The following ZNF652 variants were observed in gnomAD, a reference collection of about 807,000 sequenced individuals.
ZNF652 encodes the protein zinc finger protein 652.
A neutral mutation model predicts 45.2 loss-of-function variants in ZNF652; 16 were observed. The observed-to-expected ratio is 0.35, with a 90% confidence interval of 0.24 to 0.54. The LOEUF is 0.54. ZNF652 is among the 20% of genes least tolerant of loss of function. The probability of loss-of-function intolerance (pLI) is 0.91; values close to 1 mark genes in which losing one functional copy is unlikely to be tolerated. For missense variants in ZNF652, 614 were observed against 765.6 expected, an observed-to-expected ratio of 0.80 and a Z score of 2.34; for synonymous variants, 250 against 260.6, an observed-to-expected ratio of 0.96 and a Z score of 0.39.
chr17:49,311,896 G>C, intron 4 of ZNF652, 31 bp downstream of exon 4: 1 of 1,570,916 alleles, frequency 6.4e-7, no homozygotes, highest in Non-Finnish European at 8.7e-7. Context: ...CTAGCCCCTA[G>C]GCCTGGGCCT....
Position 49,298,721 on chromosome 17 carries a change from G to A in ZNF652, c.1513C>T (p.Gln505Ter), listed in dbSNP as rs1320517060. 6.2e-7 allele frequency: 1 copy of A among 1,613,982 alleles called. No homozygotes were observed. Among genetic ancestry groups the A allele is most frequent in the Non-Finnish European group, 8.5e-7 (1 of 1,180,034 alleles). ...GCTGGGGAAGTTGTAAGTGGGATCT[G>A]GACAGCAGGTGGCACATTCACGGGG... is the stretch of plus-strand genomic sequence containing the variant. ...TSPVNVPPAVQIPLTTSPATP... is the reference protein window; with the variant it reads ...TSPVNVPPAV Residue 505 changes from glutamine to a stop codon, truncating the protein, a stop_gained, in exon 6 of 6, where the codon CAG becomes TAG. Transcript: ENST00000430262. LOFTEE classifies it high-confidence loss of function.
intron 2 of ZNF652, 93 bp from the exon 3 acceptor site, chr17:49,312,938 G>T: frequency 7.8e-7 from 1 of 1,286,926 alleles, no homozygotes; most frequent in Non-Finnish European, 1.1e-6. Flanking sequence ...TTAGGTTCAT[G>T]GCACAAGGCC....
At position 49,292,499 on chromosome 17, in the gene ZNF652, G is replaced by A. The variant is rs2069416854; in HGVS notation, c.*5914C>T. On this transcript the variant is annotated 3_prime_UTR_variant, in exon 6 of 6. Transcript: ENST00000430262. ...AGGGCCATGAGAGAGCAGAAACCCA[G>A]GGAGCAATTTTAAATTAATTTGACT... 6.6e-6 allele frequency among the ~76,000 whole-genome samples: 1 copy of A among 152,144 alleles called. No homozygotes were observed. Among genetic ancestry groups the A allele is most frequent in the African/African-American group, 2.4e-5 (1 of 41,402 alleles).
At chr17:49,309,591 C>T (rs2069681445) in intron 5 of ZNF652, among the ~76,000 whole-genome samples, 1 of 151,438 alleles carries the variant, frequency 6.6e-6, no homozygotes, top group Non-Finnish European at 1.5e-5. Flanking sequence ...GTATCACACA[C>T]AAAAAAACCT....
At chr17:49,340,885 T>C (rs773190557) in intron 1 of ZNF652, among the ~76,000 whole-genome samples, 22 of 151,954 alleles carry the variant, frequency 1.4e-4, no homozygotes, top group Non-Finnish European at 2.8e-4. Context: ...GGCCACAGAG[T>C]GAGACCCTGT....
chr17:49,313,459 GTTTT>G (rs1028008572), intron 2 of ZNF652, among the ~76,000 whole-genome samples: 3 of 151,982 alleles, frequency 2.0e-5, no homozygotes, highest in African/African-American at 7.2e-5. Flanking sequence ...GCCCAGCCAA[GTTTT>G]TTAATTTTTA....
chr17:49,356,116 C>T (rs931385340), intron 1 of ZNF652, among the ~76,000 whole-genome samples: 2 of 151,276 alleles, frequency 1.3e-5, no homozygotes, highest in Non-Finnish European at 2.9e-5. Context: ...CCAAATACTT[C>T]GTTATTTCAT....
Position 49,353,066 on chromosome 17 carries a change from T to C in ZNF652, c.-259+8843A>G, listed in dbSNP as rs113517702. On this transcript the variant is annotated intron_variant, in intron 1 of 5. Transcript: ENST00000430262. ...GTGGTGGTGGTGGTGGTTATACAAA[T>C]TGATATTCACAGAACTGTATGAATA... Among the ~76,000 whole-genome samples, 178 of 152,326 alleles carry C rather than the reference T, an allele frequency of 1.2e-3. 1 individual carries two copies. The highest frequency in any genetic ancestry group is 3.1e-3 in the African/African-American group (127 of 41,570).
intron 1 of ZNF652, among the ~76,000 whole-genome samples, chr17:49,335,968 A>G (rs2070075443): frequency 6.6e-6 from 1 of 152,152 alleles, no homozygotes; most frequent in South Asian, 2.1e-4. Flanking sequence ...ATATGCAAAA[A>G]AGGATGTAGA....
downstream of ZNF652, chr17:49,288,291 CTG>C (rs1050570381): frequency 5.3e-5 from 8 of 152,036 alleles, no homozygotes; most frequent in African/African-American, 1.9e-4. Context: ...TATGAAGAAA[CTG>C]TGTTAACATC....
At chr17:49,309,488 A>G (rs889266298) in intron 5 of ZNF652, among the ~76,000 whole-genome samples, 4 of 151,178 alleles carry the variant, frequency 2.6e-5, no homozygotes, top group African/African-American at 9.7e-5. Flanking sequence ...AGTCTGGGTG[A>G]CGGAGCAAGA....
chr17:49,315,023 T>C (rs112644608), intron 2 of ZNF652, among the ~76,000 whole-genome samples: 212 of 137,058 alleles, frequency 1.5e-3, no homozygotes, highest in African/African-American at 5.5e-3. Context: ...CACCCGGCCT[T>C]AGGGGAGGGT....
intron 1 of ZNF652, among the ~76,000 whole-genome samples, chr17:49,339,922 C>T (rs1008214523): frequency 2.0e-4 from 30 of 152,062 alleles, no homozygotes; most frequent in Non-Finnish European, 4.1e-4. Context: ...TTACTAGAGA[C>T]GGGGTTTCAC....
At chr17:49,331,382 A>C (rs1341606567) in intron 1 of ZNF652, among the ~76,000 whole-genome samples, 1 of 152,066 alleles carries the variant, frequency 6.6e-6, no homozygotes, top group East Asian at 1.9e-4. Context: ...CGGCCTCCCA[A>C]AGTGCTGGGA....
chr17:49,319,548 G>A (rs1396522897), intron 1 of ZNF652, among the ~76,000 whole-genome samples: 1 of 145,102 alleles, frequency 6.9e-6, no homozygotes, highest in Non-Finnish European at 1.5e-5. Context: ...CAGGAGAATC[G>A]CTTGAACCCA....
chr17:49,294,496 C>A lies in ZNF652; in HGVS notation c.*3917G>T, dbSNP rs2069445521. 6.6e-6 allele frequency: 1 copy of A among 152,078 alleles called. No homozygotes were observed. Among genetic ancestry groups the A allele is most frequent in the Admixed American group, 6.6e-5 (1 of 15,260 alleles). 9.4% of individuals were successfully genotyped at this position (152,078 alleles called of 1,614,324 possible). On this transcript the variant is annotated 3_prime_UTR_variant, in exon 6 of 6. Coordinates refer to ENST00000430262, the MANE Select transcript of ZNF652 (RefSeq NM_001145365.3). Reference sequence around the variant, plus strand: ...ATATATGTGGAAATGAAGCCACATGCCTTTAAATTGTTGTCTTTTCTTCAT... The same window carrying A: ...ATATATGTGGAAATGAAGCCACATGACTTTAAATTGTTGTCTTTTCTTCAT...
At chr17:49,350,048 T>TA (rs2143088264) in intron 1 of ZNF652, among the ~76,000 whole-genome samples, 1 of 152,246 alleles carries the variant, frequency 6.6e-6, no homozygotes, top group South Asian at 2.1e-4. Context: ...AGAAAAAGGA[T>TA]ATTAGCTGAA....
At chr17:49,311,486 T>C (rs748384199) in intron 4 of ZNF652, 30 bp from the exon 5 acceptor site, 10 of 1,604,876 alleles carry the variant, frequency 6.2e-6, no homozygotes, top group Non-Finnish European at 8.5e-6. Context: ...GATTTTTGAA[T>C]GCCAAGCATA....
At chr17:49,316,605 TC>T (rs1329656210) in intron 2 of ZNF652, among the ~76,000 whole-genome samples, 1 of 152,194 alleles carries the variant, frequency 6.6e-6, no homozygotes, top group Non-Finnish European at 1.5e-5. Context: ...AGATCCCCCT[TC>T]CAGTGTGCCT....
Sources: allele counts gnomAD v4.1 joint callset (sites outside exome capture counted in the v4.1 genomes callset), GRCh38; gene constraint gnomAD v4.1.1; transcripts MANE v1.5; gene names NCBI Gene and HGNC (gene_info 2026-07-23, HGNC 2026-07-21).